The following TSN variants were observed in gnomAD, a reference collection of about 807,000 sequenced individuals.
The protein encoded by TSN is component 3 of promoter of RISC.
In TSN, 5 loss-of-function variants were observed where a neutral mutation model predicts 29.4. That is an observed-to-expected ratio of 0.17 (90% CI 0.09 to 0.36). The LOEUF (loss-of-function observed/expected upper bound fraction) is 0.36, where lower values mean the gene tolerates loss of function less well. TSN is among the 10% of genes least tolerant of loss of function. The pLI is 1.00. For missense variants in TSN, 159 were observed against 272.8 expected (o/e 0.58, Z 2.94); for synonymous variants, 106 against 102.2 (o/e 1.04, Z -0.23).
At position 121,765,613 on chromosome 2, in the gene TSN, G is replaced by A. The variant is rs1290945111; in HGVS notation, c.*246G>A. 4 of 515,176 alleles carry A rather than the reference G, an allele frequency of 7.8e-6. No homozygotes were observed. The highest frequency in any genetic ancestry group is 1.0e-5 in the Non-Finnish European group (3 of 289,518). The allele number at this position is 515,176 out of a possible 1,614,324, so 31.9% of individuals were successfully genotyped here. ...CTGTAATTCAGTGTATTTCAGTTCCGTCAGAAAGTGTAAATGTTAGTTTCT... is the reference window on the plus strand; with the variant it reads ...CTGTAATTCAGTGTATTTCAGTTCCATCAGAAAGTGTAAATGTTAGTTTCT... On this transcript the variant is annotated 3_prime_UTR_variant, in exon 6 of 6. Transcript: ENST00000389682.
chr2:121,762,365 T>C (rs1449949771), intron 4 of TSN, among the ~76,000 whole-genome samples: 1 of 152,176 alleles, frequency 6.6e-6, no homozygotes. Flanking sequence ...CCTGACCTCG[T>C]GATTTGCCCG....
At chr2:121,759,614 A>G (rs1423155623) in intron 3 of TSN, among the ~76,000 whole-genome samples, 2 of 152,192 alleles carry the variant, frequency 1.3e-5, no homozygotes, top group Non-Finnish European at 2.9e-5. Context: ...TCTAAAAAAA[A>G]AAAACAACTT....
chr2:121,760,427 T>C (rs2074808652), intron 3 of TSN, among the ~76,000 whole-genome samples: 1 of 152,142 alleles, frequency 6.6e-6, no homozygotes, highest in African/African-American at 2.4e-5. Context: ...GTAGAACAGG[T>C]GGGGTCTTTA....
intron 2 of TSN, 104 bp from the exon 3 acceptor site, chr2:121,758,605 AG>A (rs1415604823): frequency 2.2e-5 from 17 of 771,058 alleles, no homozygotes; most frequent in Non-Finnish European, 3.9e-6. Context: ...GTTAGTTGTG[AG>A]GTTTTTTTGT....
At chr2:121,756,894 G>C (rs2074757311) in intron 1 of TSN, among the ~76,000 whole-genome samples, 1 of 149,490 alleles carries the variant, frequency 6.7e-6, no homozygotes, top group Non-Finnish European at 1.5e-5. Context: ...GGGTGACAGA[G>C]CGAGACTCCG....
intron 3 of TSN, among the ~76,000 whole-genome samples, chr2:121,759,533 G>A: frequency 6.6e-6 from 1 of 152,084 alleles, no homozygotes; most frequent in East Asian, 1.9e-4. Context: ...GCTTGAACCA[G>A]GCAGGCGGAG....
intron 3 of TSN, among the ~76,000 whole-genome samples, chr2:121,759,312 TA>T (rs1163463027): frequency 6.6e-6 from 1 of 152,146 alleles, no homozygotes; most frequent in Non-Finnish European, 1.5e-5. Flanking sequence ...TTGCCAGTCA[TA>T]AATGTGAAAC....
At chr2:121,763,243 T>C (rs552442277) in intron 5 of TSN, among the ~76,000 whole-genome samples, 159 bp downstream of exon 5, 10 of 149,852 alleles carry the variant, frequency 6.7e-5, no homozygotes, top group South Asian at 2.2e-4. Context: ...CCCGAGTTCA[T>C]GCCATTCTCC....
At chr2:121,760,629 CTATTT>C (rs2074811708) in intron 3 of TSN, among the ~76,000 whole-genome samples, 1 of 152,110 alleles carries the variant, frequency 6.6e-6, no homozygotes, top group Admixed American at 6.5e-5. Flanking sequence ...GCTCAGTATT[CTATTT>C]TAAGTGCATT....
intron 3 of TSN, among the ~76,000 whole-genome samples, chr2:121,760,551 C>T (rs975892316): frequency 6.6e-5 from 10 of 152,160 alleles, no homozygotes; most frequent in Non-Finnish European, 1.0e-4. Context: ...TGTATTGCCA[C>T]ATTTGAGAAT....
intron 1 of TSN, chr2:121,756,346 T>C (rs920706893): frequency 4.1e-6 from 1 of 245,192 alleles, no homozygotes; most frequent in African/African-American, 2.4e-5. Context: ...TTCCTGCCTG[T>C]TTGCTTTTCC....
intron 2 of TSN, 181 bp downstream of exon 2, chr2:121,757,514 A>G: frequency 8.1e-7 from 1 of 1,233,484 alleles, no homozygotes; most frequent in Admixed American, 2.3e-5. Context: ...TGGTTTAAAC[A>G]GAGATGTTTT....
Position 121,756,027 on chromosome 2 carries a change from T to A in TSN, c.66+182T>A, listed in dbSNP as rs1319332085. ...CCAAAATTTTGCTGCTCTGTCCTGATTCCCCGTGTTCGAGTCTCAGCTTCT... is the reference window on the plus strand; with the variant it reads ...CCAAAATTTTGCTGCTCTGTCCTGAATCCCCGTGTTCGAGTCTCAGCTTCT... On this transcript the variant is annotated intron_variant, in intron 1 of 5. Transcript: ENST00000389682. 3 of 1,272,742 alleles carry A rather than the reference T, an allele frequency of 2.4e-6. No homozygotes were observed. In the African/African-American group the frequency reaches 4.5e-5, roughly 19 times the overall value. The allele number at this position is 1,272,742 out of a possible 1,614,324, so 78.8% of individuals were successfully genotyped here. A position where few individuals can be genotyped will look rare whatever the true frequency, so the allele number is the denominator to read the frequency against.
intron 1 of TSN, chr2:121,756,355 C>A (rs1418065615): frequency 8.3e-6 from 2 of 242,066 alleles, no homozygotes; most frequent in Non-Finnish European, 1.8e-5. Flanking sequence ...GTTTGCTTTT[C>A]CTGGAATTTG....
chr2:121,766,388 G>A lies in TSN; in HGVS notation c.*1021G>A, dbSNP rs2074901333. On this transcript the variant is annotated 3_prime_UTR_variant, in exon 6 of 6. Transcript: ENST00000389682. The stretch of plus-strand genomic sequence containing the variant: ...GGAGGCCGAGGCAGGGGGACTGCTT[G>A]AGCTCAGGAGTTCGAGACCAGCCTG... 1 of 152,210 alleles carries A rather than the reference G, an allele frequency of 6.6e-6. No homozygotes were observed. The highest frequency in any genetic ancestry group is 2.4e-5 in the African/African-American group (1 of 41,446). The allele number at this position is 152,210 out of a possible 1,614,324, so 9.4% of individuals were successfully genotyped here. A position where few individuals can be genotyped will look rare whatever the true frequency, so the allele number is the denominator to read the frequency against.
rs1056905378 is a variant in TSN at position 121,767,046 on chromosome 2, C to T, written c.*1679C>T. ...ATGAAAGGCTTTTAAATTAGATCATCCCACAGACAATACGTTTGATAATAG... is the reference window on the plus strand; with the variant it reads ...ATGAAAGGCTTTTAAATTAGATCATTCCACAGACAATACGTTTGATAATAG... On this transcript the variant is annotated 3_prime_UTR_variant, in exon 6 of 6. Transcript: ENST00000389682. The T allele has an allele frequency of 7.9e-5, 12 of 152,204 alleles. No homozygotes were observed. The highest frequency in any genetic ancestry group is 1.2e-4 in the African/African-American group (5 of 41,460). The allele number at this position is 152,204 out of a possible 1,614,324, so 9.4% of individuals were successfully genotyped here. A position where few individuals can be genotyped will look rare whatever the true frequency, so the allele number is the denominator to read the frequency against.
chr2:121,763,621 C>A (rs6710934), intron 5 of TSN, among the ~76,000 whole-genome samples: 2,279 of 152,188 alleles, frequency 0.015, 59 homozygotes, highest in African/African-American at 0.053. Context: ...AATTTTTAAC[C>A]GATGATAAGA....
chr2:121,755,694 GT>G lies in TSN; in HGVS notation c.-84del. 6.4e-7 allele frequency: 1 copy of G among 1,561,050 alleles called. No homozygotes were observed. Among genetic ancestry groups the G allele is most frequent in the Non-Finnish European group, 8.7e-7 (1 of 1,145,100 alleles). ...GGGGGACGCGGCGGTAGCGGCGGCC[GT>G]TGCGATTGATTGCGCTGGTTGCCTG... On this transcript the variant is annotated 5_prime_UTR_variant, in exon 1 of 6. Coordinates refer to ENST00000389682, the MANE Select transcript of TSN (RefSeq NM_004622.3).
At chr2:121,762,043 A>G (rs2074838077) in intron 4 of TSN, among the ~76,000 whole-genome samples, 1 of 149,852 alleles carries the variant, frequency 6.7e-6, no homozygotes, top group South Asian at 2.1e-4. Context: ...CCCAGGCTGT[A>G]GTGCAATGAC....
Sources: allele counts gnomAD v4.1 joint callset (sites outside exome capture counted in the v4.1 genomes callset), GRCh38; gene constraint gnomAD v4.1.1; transcripts MANE v1.5; gene names NCBI Gene and HGNC (gene_info 2026-07-23, HGNC 2026-07-21).